The following TLE4 variants were observed in gnomAD, a reference collection of about 807,000 sequenced individuals.
The protein encoded by TLE4 is transducin-like enhancer protein 4.
In TLE4, 8 loss-of-function variants were observed where a neutral mutation model predicts 92.8. That is an observed-to-expected ratio of 0.09 (90% CI 0.05 to 0.16). TLE4 has a LOEUF of 0.16. Among genes scored for constraint, TLE4 ranks in the 10% least tolerant of loss-of-function variants. The pLI is 1.00. For synonymous variants in TLE4, 371 were observed against 374.1 expected, an observed-to-expected ratio of 0.99 and a Z score of 0.10; for missense variants, 675 against 997.6, an observed-to-expected ratio of 0.68 and a Z score of 4.36.
chr9:79,655,697 A>G (rs1281750404), intron 8 of TLE4, among the ~76,000 whole-genome samples: 1 of 152,254 alleles, frequency 6.6e-6, no homozygotes, highest in Non-Finnish European at 1.5e-5. Context: ...ACACATGTGT[A>G]CTTAGGAAGT....
intron 8 of TLE4, among the ~76,000 whole-genome samples, chr9:79,690,532 G>A (rs1052610768): frequency 6.6e-6 from 1 of 152,072 alleles, no homozygotes; most frequent in Non-Finnish European, 1.5e-5. Context: ...AAACCTGGAG[G>A]ATACTGTTCA....
chr9:79,599,314 A>G (rs759949927), intron 4 of TLE4, among the ~76,000 whole-genome samples: 9 of 152,188 alleles, frequency 5.9e-5, no homozygotes, highest in Non-Finnish European at 1.3e-4. Flanking sequence ...CCTGTGCTCT[A>G]GCTTAATGGT....
intron 6 of TLE4, among the ~76,000 whole-genome samples, chr9:79,644,184 G>GT (rs1471119266): frequency 6.6e-6 from 1 of 152,060 alleles, no homozygotes; most frequent in Non-Finnish European, 1.5e-5. Context: ...AGATCTGATG[G>GT]TTTTATGAGG....
At position 79,720,027 on chromosome 9, in the gene TLE4, A is replaced by T; in HGVS notation, c.1591-19A>T. 1 of 1,585,504 alleles carries T rather than the reference A, an allele frequency of 6.3e-7. No homozygotes were observed. The highest frequency in any genetic ancestry group is 8.6e-7 in the Non-Finnish European group (1 of 1,159,048). ...TCCTTTCCTCATGAGTAATCTCTTG[A>T]TGGTTTTTGTCTCTACAGAACAGGG... is the stretch of plus-strand genomic sequence containing the variant. On this transcript the variant is annotated intron_variant, in intron 15 of 19. Coordinates refer to ENST00000376552, the MANE Select transcript of TLE4 (RefSeq NM_007005.6).
chr9:79,708,340 A>G, intron 12 of TLE4, 90 bp downstream of exon 12: 1 of 1,440,628 alleles, frequency 6.9e-7, no homozygotes, highest in Non-Finnish European at 9.5e-7. Context: ...AAAAGTGCTA[A>G]TGACCAGCAT....
intron 6 of TLE4, among the ~76,000 whole-genome samples, chr9:79,639,835 A>G (rs902716840): frequency 2.0e-5 from 3 of 152,156 alleles, no homozygotes; most frequent in Admixed American, 6.6e-5. Context: ...AAAATTGCCT[A>G]AAGACTCATT....
At chr9:79,592,154 TC>T (rs2042711971) in intron 4 of TLE4, among the ~76,000 whole-genome samples, 1 of 147,228 alleles carries the variant, frequency 6.8e-6, no homozygotes, top group African/African-American at 2.6e-5. Context: ...TCTTCTTTCT[TC>T]TTCTTCTTCT....
At chr9:79,622,118 T>C (rs1333533890) in intron 5 of TLE4, among the ~76,000 whole-genome samples, 1 of 152,242 alleles carries the variant, frequency 6.6e-6, no homozygotes, top group Non-Finnish European at 1.5e-5. Context: ...AGCCCTTTGC[T>C]GTTTGGCCTC....
chr9:79,603,501 A>G (rs531422571), intron 4 of TLE4, among the ~76,000 whole-genome samples: 1 of 152,322 alleles, frequency 6.6e-6, no homozygotes, highest in Non-Finnish European at 1.5e-5. Context: ...TTTTTAAATT[A>G]TGGTGTATTG....
At chr9:79,685,429 C>G (rs1360980872) in intron 8 of TLE4, among the ~76,000 whole-genome samples, 2 of 152,032 alleles carry the variant, frequency 1.3e-5, no homozygotes, top group Non-Finnish European at 2.9e-5. Flanking sequence ...TAAAACAGAT[C>G]AATTTCAGCA....
At position 79,667,033 on chromosome 9, in the gene TLE4, C is replaced by T. The variant is rs539595878; in HGVS notation, c.609+12958C>T. ...ATTGCTTTAACCACGTGGGTCCTCACGTATTTTCTTGTACACACCCTAGTT... is the reference window on the plus strand; with the variant it reads ...ATTGCTTTAACCACGTGGGTCCTCATGTATTTTCTTGTACACACCCTAGTT... On this transcript the variant is annotated intron_variant, in intron 8 of 19. Coordinates refer to ENST00000376552, the MANE Select transcript of TLE4 (RefSeq NM_007005.6). Among the ~76,000 whole-genome samples the T allele has an allele frequency of 1.5e-4, 23 of 152,344 alleles. No homozygotes were observed. The South Asian group carries it at 4.8e-3, about 32-fold the overall frequency.
intron 14 of TLE4, among the ~76,000 whole-genome samples, chr9:79,715,614 C>T (rs555107095): frequency 7.4e-4 from 113 of 152,210 alleles, no homozygotes; most frequent in African/African-American, 2.6e-3. Context: ...CTTTCAGGCT[C>T]GTGCCATTGG....
intron 8 of TLE4, among the ~76,000 whole-genome samples, chr9:79,685,129 C>T (rs1450167750): frequency 1.3e-5 from 2 of 152,168 alleles, no homozygotes; most frequent in African/African-American, 4.8e-5. Context: ...AAATACACAC[C>T]TCTTGTGTTT....
intron 6 of TLE4, among the ~76,000 whole-genome samples, chr9:79,646,692 G>A (rs1381185420): frequency 6.6e-6 from 1 of 152,090 alleles, no homozygotes; most frequent in Admixed American, 6.5e-5. Context: ...TGACCACTAA[G>A]TACAGAAAGG....
chr9:79,648,993 A>T (rs902088317), intron 6 of TLE4, among the ~76,000 whole-genome samples: 1 of 152,190 alleles, frequency 6.6e-6, no homozygotes, highest in African/African-American at 2.4e-5. Context: ...AGAGCCAAAG[A>T]AAGGCTGGCC....
chr9:79,676,464 G>C (rs554343293), intron 8 of TLE4, among the ~76,000 whole-genome samples: 1 of 152,268 alleles, frequency 6.6e-6, no homozygotes, highest in African/African-American at 2.4e-5. Context: ...GTTTTCTTCT[G>C]TGACTGCCAC....
intron 14 of TLE4, among the ~76,000 whole-genome samples, chr9:79,712,140 G>A (rs2073452076): frequency 6.6e-6 from 1 of 152,122 alleles, no homozygotes. Context: ...TTTGTTACAT[G>A]GTGGCTGTTT....
intron 14 of TLE4, among the ~76,000 whole-genome samples, chr9:79,714,307 G>C (rs148110760): frequency 1.3e-5 from 2 of 152,248 alleles, no homozygotes; most frequent in East Asian, 3.9e-4. Flanking sequence ...TGGCATTCTG[G>C]TCCTTCCCTT....
intron 4 of TLE4, among the ~76,000 whole-genome samples, chr9:79,607,007 C>A (rs574778659): frequency 6.6e-6 from 1 of 152,248 alleles, no homozygotes. Flanking sequence ...TAAAAGCCTT[C>A]CTATTTCTCC....
Sources: allele counts gnomAD v4.1 joint callset (sites outside exome capture counted in the v4.1 genomes callset), GRCh38; gene constraint gnomAD v4.1.1; transcripts MANE v1.5; gene names NCBI Gene and HGNC (gene_info 2026-07-23, HGNC 2026-07-21).